The following MTRF1 variants were observed in gnomAD, a reference collection of about 807,000 sequenced individuals.
MTRF1 encodes the protein peptide chain release factor 1, mitochondrial.
A neutral mutation model predicts 62.9 loss-of-function variants in MTRF1; 51 were observed. The observed-to-expected ratio is 0.81, with a 90% CI of 0.65 to 1.02. The LOEUF (loss-of-function observed/expected upper bound fraction) is 1.02, where lower values mean the gene tolerates loss of function less well. MTRF1 is among the 50% of genes least tolerant of loss of function. The pLI, the probability that MTRF1 is intolerant of heterozygous loss-of-function variation, is 0.00. For synonymous variants in MTRF1, 158 were observed against 181.9 expected, an observed-to-expected ratio of 0.87 and a Z score of 1.06; for missense variants, 446 against 530.0, an observed-to-expected ratio of 0.84 and a Z score of 1.56.
chr13:41,267,148 C>T (rs181880300), upstream of MTRF1, among the ~76,000 whole-genome samples: 12 of 151,664 alleles, frequency 7.9e-5, no homozygotes, highest in Admixed American at 4.6e-4. Context: ...TTAGATTCTC[C>T]TTTTCTTCTT....
the MTRF1 span, among the ~76,000 whole-genome samples, chr13:41,299,924 C>T: frequency 6.6e-6 from 1 of 152,148 alleles, no homozygotes; most frequent in Non-Finnish European, 1.5e-5. Context: ...AGTAGAGTTT[C>T]AATTTCAGCC....
chr13:41,294,416 C>CAAAAA, the MTRF1 span, among the ~76,000 whole-genome samples: 4 of 79,466 alleles, frequency 5.0e-5, no homozygotes, highest in East Asian at 4.6e-4. Flanking sequence ...GACTCCATCT[C>CAAAAA]AAAAAAAAAA....
chr13:41,305,522 C>G, the MTRF1 span, among the ~76,000 whole-genome samples: 2 of 152,220 alleles, frequency 1.3e-5, no homozygotes, highest in African/African-American at 4.8e-5. Flanking sequence ...ATATTTTCAA[C>G]TGTACTGCAT....
At chr13:41,274,543 G>C in the MTRF1 span, among the ~76,000 whole-genome samples, 1 of 152,020 alleles carries the variant, frequency 6.6e-6, no homozygotes, top group Non-Finnish European at 1.5e-5. Flanking sequence ...CATAAGGAAT[G>C]CTGAAACAAA....
chr13:41,250,433 T>C (rs1177478358), intron 5 of MTRF1, among the ~76,000 whole-genome samples: 1 of 152,134 alleles, frequency 6.6e-6, no homozygotes, highest in Non-Finnish European at 1.5e-5. Flanking sequence ...AGGTATCAAA[T>C]AGCTTGCCTG....
rs2031974235 is a variant in MTRF1 at position 41,216,631 on chromosome 13, C to T, written c.*484G>A. Reference sequence around the variant, plus strand: ...ATTCTTACCTCAAGAGATCTTCCCCCTTTGGCCCTTCAAAGCACTGGGATT... The same window carrying T: ...ATTCTTACCTCAAGAGATCTTCCCCTTTTGGCCCTTCAAAGCACTGGGATT... On this transcript the variant is annotated 3_prime_UTR_variant, in exon 10 of 10. Transcript: ENST00000379480. The T allele has an allele frequency of 6.6e-6, 1 of 152,180 alleles. No homozygotes were observed. The highest frequency in any genetic ancestry group is 1.5e-5 in the Non-Finnish European group (1 of 68,064). 9.4% of individuals were successfully genotyped at this position (152,180 alleles called of 1,614,324 possible).
At chr13:41,224,902 G>C (rs1287890369) in intron 8 of MTRF1, among the ~76,000 whole-genome samples, 6 of 152,104 alleles carry the variant, frequency 3.9e-5, no homozygotes, top group Non-Finnish European at 7.4e-5. Flanking sequence ...AGCCAATCTT[G>C]AATACCTATT....
chr13:41,278,308 G>A, the MTRF1 span, among the ~76,000 whole-genome samples: 1 of 152,218 alleles, frequency 6.6e-6, no homozygotes, highest in Non-Finnish European at 1.5e-5. Context: ...AACAAAGCAA[G>A]GGAGGAATAT....
At chr13:41,255,619 G>A (rs912617311) in intron 2 of MTRF1, among the ~76,000 whole-genome samples, 1 of 152,158 alleles carries the variant, frequency 6.6e-6, no homozygotes, top group African/African-American at 2.4e-5. Flanking sequence ...TTGAACCCAG[G>A]AGGTAGAGGT....
At chr13:41,287,240 G>A in the MTRF1 span, among the ~76,000 whole-genome samples, 1 of 152,190 alleles carries the variant, frequency 6.6e-6, no homozygotes, top group Admixed American at 6.5e-5. Context: ...TTCTGGGGAG[G>A]CCTCAGGGAG....
At chr13:41,284,699 G>A in the MTRF1 span, among the ~76,000 whole-genome samples, 157 of 151,762 alleles carry the variant, frequency 1.0e-3, 1 homozygote, top group African/African-American at 3.5e-3. Context: ...TGATATCGAC[G>A]CTGGAGTGCA....
At chr13:41,311,479 CCCGGGCACCTAGCCTCCCTG>C in the MTRF1 span, 3 of 1,551,154 alleles carry the variant, frequency 1.9e-6, no homozygotes, top group Non-Finnish European at 1.7e-6. Flanking sequence ...AAGCGGAGCG[CCCGGGCACCTAGCCTCCCTG>C]CCGGCCACCT....
chr13:41,293,817 AATAG>A, the MTRF1 span, among the ~76,000 whole-genome samples: 1 of 152,206 alleles, frequency 6.6e-6, no homozygotes, highest in African/African-American at 2.4e-5. Flanking sequence ...GTGTTAAATT[AATAG>A]ATACTAATTA....
At chr13:41,271,998 T>C in the MTRF1 span, among the ~76,000 whole-genome samples, 12 of 152,182 alleles carry the variant, frequency 7.9e-5, no homozygotes, top group Admixed American at 7.2e-4. Context: ...GACCACTTCC[T>C]GTAAACTGTG....
intron 5 of MTRF1, among the ~76,000 whole-genome samples, chr13:41,250,266 T>C (rs562423858): frequency 6.6e-6 from 1 of 152,264 alleles, no homozygotes; most frequent in Admixed American, 6.5e-5. Flanking sequence ...ACTGTCCTCA[T>C]CCTTTTTCTG....
chr13:41,307,050 A>C, the MTRF1 span, among the ~76,000 whole-genome samples: 2 of 152,222 alleles, frequency 1.3e-5, no homozygotes, highest in South Asian at 4.1e-4. Flanking sequence ...CTGATTGTGC[A>C]TACATTACAT....
chr13:41,268,474 A>G (rs1364607966), upstream of MTRF1, among the ~76,000 whole-genome samples: 1 of 152,152 alleles, frequency 6.6e-6, no homozygotes, highest in East Asian at 1.9e-4. Context: ...TGAACCTGGG[A>G]GGTGAAGATT....
intron 6 of MTRF1, 23 bp from the exon 7 acceptor site, chr13:41,234,030 A>AAG: frequency 6.7e-7 from 1 of 1,503,100 alleles, no homozygotes; most frequent in East Asian, 2.3e-5. Context: ...GCATGGCATA[A>AAG]TTCTACACTC....
At chr13:41,244,122 T>C (rs563734183) in intron 5 of MTRF1, among the ~76,000 whole-genome samples, 17 of 152,322 alleles carry the variant, frequency 1.1e-4, no homozygotes, top group Non-Finnish European at 2.4e-4. Context: ...CAGAAAGGGA[T>C]CATGGGAAGA....
Sources: allele counts gnomAD v4.1 joint callset (sites outside exome capture counted in the v4.1 genomes callset), GRCh38; gene constraint gnomAD v4.1.1; transcripts MANE v1.5; gene names NCBI Gene and HGNC (gene_info 2026-07-23, HGNC 2026-07-21).